Variants in NWD1 observed in about 807,000 individuals in gnomAD.
The protein encoded by NWD1 is NACHT and WD repeat domain containing 1, also known as NACHT domain- and WD repeat-containing protein 1.
Under a neutral mutation model 135.1 loss-of-function variants are expected in NWD1, and 129 were observed. The ratio of observed to expected loss-of-function variants is 0.96; its 90% confidence interval spans 0.83 to 1.11. NWD1 has a LOEUF of 1.11. Ranked by LOEUF, NWD1 falls within the 50% of genes least tolerant of loss-of-function variation. The pLI, the probability that NWD1 is intolerant of heterozygous loss-of-function variation, is 0.00. For synonymous variants in NWD1, 773 were observed against 786.0 expected, an observed-to-expected ratio of 0.98 and a Z score of 0.28; for missense variants, 1,740 against 1,851.3, an observed-to-expected ratio of 0.94 and a Z score of 1.10.
chr19:16,769,469 A>T (rs920224511), intron 10 of NWD1, among the ~76,000 whole-genome samples: 1 of 151,402 alleles, frequency 6.6e-6, no homozygotes, highest in African/African-American at 2.4e-5. Flanking sequence ...TAAAAAAAAA[A>T]AAGAGCCCAA....
chr19:16,761,999 G>A lies in NWD1; in HGVS notation c.1994G>A (p.Arg665His), dbSNP rs772407281. Residue 665 changes from arginine to histidine, a missense_variant, in exon 8 of 19, where the codon CGT becomes CAT. By Grantham distance (29) the Arg-to-His change is conservative. Transcript: ENST00000524140. ...TGTAGACAGCTGGTCGAGGTGGTCCGTGAGCGCTACCTGTCAGGATCCGAG... is the reference window on the plus strand; with the variant it reads ...TGTAGACAGCTGGTCGAGGTGGTCCATGAGCGCTACCTGTCAGGATCCGAG... ...IAHRQLVEVV[R>H]ERYLSGSERA... is the part of the protein sequence containing the mutation. The A allele has an allele frequency of 2.2e-5, 35 of 1,613,972 alleles. No homozygotes were observed. The highest frequency in any genetic ancestry group is 8.8e-5 in the South Asian group (8 of 91,072).
rs751886416 is a variant in NWD1 at position 16,749,818 on chromosome 19, G to A, written c.1176G>A (p.Gln392=). The A allele has an allele frequency of 1.3e-5, 21 of 1,608,404 alleles. No individual in the cohort carries two copies. The East Asian group carries it at 1.6e-4, about 12-fold the overall frequency. ...GCCTGCTGAAGAGCATCTGCTTCCAGGTGTGCCTGGCCTATGGGCTGCCCT... is the reference window on the plus strand; with the variant it reads ...GCCTGCTGAAGAGCATCTGCTTCCAAGTGTGCCTGGCCTATGGGCTGCCCT... The part of the protein sequence containing the change: ...ARGLLKSICF[Q]VCLAYGLPLP... The change falls in exon 6 of 19, where the codon CAG becomes CAA. Residue 392 remains glutamine (Q), a synonymous_variant. Transcript: ENST00000524140.
intron 1 of NWD1, among the ~76,000 whole-genome samples, chr19:16,722,766 T>A (rs1013101789): frequency 1.3e-5 from 2 of 151,768 alleles, no homozygotes; most frequent in Non-Finnish European, 2.9e-5. Context: ...ACAACATGAC[T>A]TAGAGAGGGA....
chr19:16,763,907 A>G lies in NWD1; in HGVS notation c.2213A>G (p.His738Arg), dbSNP rs111332125. Residue 738 changes from histidine (H) to arginine (R), a missense_variant, in exon 9 of 19, where the codon CAC becomes CGC. By Grantham distance (29) the His-to-Arg change is conservative. Coordinates refer to ENST00000524140, the MANE Select transcript of NWD1 (RefSeq NM_001007525.5). ...AAGGAGTTGCCCTATCACCTGCTTCACTCGGGCCGCCTGGAGGAGCTGAAA... is the reference window on the plus strand; with the variant it reads ...AAGGAGTTGCCCTATCACCTGCTTCGCTCGGGCCGCCTGGAGGAGCTGAAA... ...KLKELPYHLL[H>R]SGRLEELKQE... 2 of 1,613,648 alleles carry G rather than the reference A, an allele frequency of 1.2e-6. No homozygotes were observed. The highest frequency in any genetic ancestry group is 1.7e-6 in the Non-Finnish European group (2 of 1,179,754).
At chr19:16,734,332 A>C (rs1344701120) in intron 3 of NWD1, among the ~76,000 whole-genome samples, 1 of 152,010 alleles carries the variant, frequency 6.6e-6, no homozygotes, top group African/African-American at 2.4e-5. Flanking sequence ...GCAGATCACG[A>C]GGTCAGGAGA....
At chr19:16,792,233 C>T (rs1970271839) in intron 14 of NWD1, among the ~76,000 whole-genome samples, 1 of 152,092 alleles carries the variant, frequency 6.6e-6, no homozygotes, top group South Asian at 2.1e-4. Context: ...TGGACGGCTG[C>T]TTTCATGGAC....
chr19:16,731,269 G>A lies in NWD1; in HGVS notation c.72G>A (p.Leu24=). The change falls in exon 3 of 19, where the codon TTG becomes TTA. Residue 24 remains leucine (L), a synonymous_variant. Transcript: ENST00000524140. The stretch of plus-strand genomic sequence containing the variant: ...AGACCTTCTGCCAGAGGCACGGCTT[G>A]ATGTTTGAGGTAACTGGAAGTCACT... ...KCQTFCQRHG[L]MFEVVDLRWG... The A allele has an allele frequency of 2.0e-6, 3 of 1,527,284 alleles. No homozygotes were observed. The highest frequency in any genetic ancestry group is 2.6e-6 in the Non-Finnish European group (3 of 1,138,876). 94.6% of individuals were successfully genotyped at this position (1,527,284 alleles called of 1,614,324 possible).
At chr19:16,783,896 A>G (rs1422747081) in intron 12 of NWD1, among the ~76,000 whole-genome samples, 2 of 152,118 alleles carry the variant, frequency 1.3e-5, no homozygotes, top group Non-Finnish European at 2.9e-5. Context: ...AGGTATTGTA[A>G]GTAACCTAGA....
intron 16 of NWD1, among the ~76,000 whole-genome samples, chr19:16,798,750 G>T (rs931156898): frequency 6.6e-6 from 1 of 151,458 alleles, no homozygotes; most frequent in African/African-American, 2.4e-5. Context: ...CCTCAGCCTC[G>T]CAAGTAGCTG....
intron 4 of NWD1, among the ~76,000 whole-genome samples, chr19:16,743,391 T>C (rs1446217255): frequency 6.6e-6 from 1 of 152,024 alleles, no homozygotes; most frequent in African/African-American, 2.4e-5. Flanking sequence ...TTAATTTTTA[T>C]AGATATGGGG....
At chr19:16,803,401 G>T (rs776697074) in intron 17 of NWD1, among the ~76,000 whole-genome samples, 1 of 152,052 alleles carries the variant, frequency 6.6e-6, no homozygotes, top group Non-Finnish European at 1.5e-5. Context: ...AATTTGGTGG[G>T]GGGGTGGGGA....
At chr19:16,720,743 C>T (rs529446452) in intron 1 of NWD1, among the ~76,000 whole-genome samples, 8 of 152,120 alleles carry the variant, frequency 5.3e-5, no homozygotes, top group South Asian at 2.1e-4. Context: ...TTAGTAGAGA[C>T]GGGGTTTCAC....
chr19:16,746,845 C>T (rs764342241), intron 5 of NWD1, among the ~76,000 whole-genome samples: 21 of 151,934 alleles, frequency 1.4e-4, no homozygotes, highest in Non-Finnish European at 2.5e-4. Flanking sequence ...ATAAGTGGAT[C>T]ATCAGTCACA....
At chr19:16,769,426 C>A (rs1969338117) in intron 10 of NWD1, among the ~76,000 whole-genome samples, 1 of 151,344 alleles carries the variant, frequency 6.6e-6, no homozygotes, top group Non-Finnish European at 1.5e-5. Flanking sequence ...CACACCACTG[C>A]ACTCCAGCCT....
At chr19:16,747,300 G>A (rs1235086073) in intron 5 of NWD1, among the ~76,000 whole-genome samples, 1 of 151,326 alleles carries the variant, frequency 6.6e-6, no homozygotes, top group African/African-American at 2.4e-5. Flanking sequence ...CTCCCAAAGT[G>A]CTGGGATTAC....
intron 12 of NWD1, among the ~76,000 whole-genome samples, chr19:16,781,418 C>T (rs948804708): frequency 1.3e-5 from 2 of 152,066 alleles, no homozygotes; most frequent in African/African-American, 4.8e-5. Context: ...GATTTTGAGA[C>T]CAGCTTGGGC....
rs1390082796 is a variant in NWD1, at chr19:16,789,130, G to T, written c.2880G>T (p.Gln960His). Reference sequence around the variant, plus strand: ...GCTCAAAAAATCCCGCTGAACCTCAGATCTGGAACCTTCATGTGGATGAGG... The same window carrying T: ...GCTCAAAAAATCCCGCTGAACCTCATATCTGGAACCTTCATGTGGATGAGG... The part of the protein sequence containing the change: ...DGGSKNPAEP[Q>H]IWNLHVDEAH... Residue 960 changes from glutamine to histidine, a missense_variant, in exon 13 of 19, where the codon CAG becomes CAT. Physicochemically the swap from Gln to His is conservative, Grantham distance 24. Transcript: ENST00000524140. 3 of 1,613,972 alleles carry T rather than the reference G, an allele frequency of 1.9e-6. No individual in the cohort carries two copies. The highest frequency in any genetic ancestry group is 4.5e-5 in the East Asian group (2 of 44,894).
chr19:16,750,318 C>T lies in NWD1; in HGVS notation c.1676C>T (p.Ala559Val). 1.2e-6 allele frequency: 2 copies of T among 1,613,428 alleles called. No individual in the cohort carries two copies. Among genetic ancestry groups the T allele is most frequent in the Non-Finnish European group, 1.7e-6 (2 of 1,179,982 alleles). The change falls in exon 6 of 19, where the codon GCA (alanine) becomes GTA (valine). Residue 559 changes from alanine to valine, a missense_variant. Transcript: ENST00000524140. ...GTGCCTGTCCCGCTGGCCACCACCG[C>T]AGAGGAAGCCACGCACCAACTCTGC... Reference protein sequence around the residue: ...FTVPVPLATTAEEATHQLCTR... With the variant: ...FTVPVPLATTVEEATHQLCTR...
chr19:16,751,943 GGAAA>G (rs1427701457), intron 6 of NWD1, among the ~76,000 whole-genome samples: 1 of 147,524 alleles, frequency 6.8e-6, no homozygotes, highest in Admixed American at 6.9e-5. Context: ...AAGAAAGGAA[GGAAA>G]GAAAAGAAGA....
Sources: allele counts gnomAD v4.1 joint callset (sites outside exome capture counted in the v4.1 genomes callset), GRCh38; gene constraint gnomAD v4.1.1; transcripts MANE v1.5; gene names NCBI Gene and HGNC (gene_info 2026-07-23, HGNC 2026-07-21).